C8orf34: variants seen among roughly 807,000 people sequenced by gnomAD.
C8orf34 encodes uncharacterized protein C8orf34.
A neutral mutation model predicts 68.3 loss-of-function variants in C8orf34; 65 were observed. That is an observed-to-expected ratio of 0.95 (90% CI 0.78 to 1.17). C8orf34 has a LOEUF of 1.17. C8orf34 is among the 50% of genes most tolerant of loss of function. The pLI is 0.00. For synonymous variants in C8orf34, 244 were observed against 241.2 expected (o/e 1.01, Z -0.11); for missense variants, 664 against 655.4 (o/e 1.01, Z -0.14).
intron 12 of C8orf34, among the ~76,000 whole-genome samples, chr8:68,813,816 T>A (rs1824728653): frequency 1.3e-5 from 2 of 152,220 alleles, no homozygotes; most frequent in Non-Finnish European, 1.5e-5. Context: ...TGTTTTCCTC[T>A]CTACCGCAAC....
At chr8:68,374,813 T>C in intron 1 of C8orf34, among the ~76,000 whole-genome samples, 1 of 152,202 alleles carries the variant, frequency 6.6e-6, no homozygotes, top group East Asian at 1.9e-4. Flanking sequence ...ATTATTCAAA[T>C]ACCAGTTTCT....
At chr8:68,742,559 A>T (rs943364364) in intron 10 of C8orf34, among the ~76,000 whole-genome samples, 68 of 152,262 alleles carry the variant, frequency 4.5e-4, no homozygotes, top group African/African-American at 1.6e-3. Context: ...ATTTCTAAAA[A>T]TGTACTTCTT....
chr8:68,777,690 A>G lies in C8orf34; in HGVS notation c.1455+1241A>G, dbSNP rs564918817. Among the ~76,000 whole-genome samples the G allele has an allele frequency of 5.3e-5, 8 of 152,334 alleles. No homozygotes were observed. The South Asian group carries it at 1.7e-3, about 32-fold the overall frequency. Reference sequence around the variant, plus strand: ...CTTAAAAGTGCCAAGATGCTCTGCCATAAAGTGTCTTTTCCAACGTTCTTT... The same window carrying G: ...CTTAAAAGTGCCAAGATGCTCTGCCGTAAAGTGTCTTTTCCAACGTTCTTT... On this transcript the variant is annotated intron_variant, in intron 11 of 13. Transcript: ENST00000518698.
At chr8:68,556,453 G>A (rs1281776772) in intron 7 of C8orf34, among the ~76,000 whole-genome samples, 1 of 151,912 alleles carries the variant, frequency 6.6e-6, no homozygotes, top group Non-Finnish European at 1.5e-5. Flanking sequence ...TCCCTGATTA[G>A]TATCTTGATA....
At chr8:68,418,853 CG>C (rs1391156468) in intron 1 of C8orf34, among the ~76,000 whole-genome samples, 2 of 151,760 alleles carry the variant, frequency 1.3e-5, no homozygotes, top group Non-Finnish European at 2.9e-5. Flanking sequence ...AAGACTTAAA[CG>C]TTAGACCTAA....
chr8:68,640,609 TCTTTTC>T, intron 8 of C8orf34, 98 bp downstream of exon 8: 1 of 1,224,960 alleles, frequency 8.2e-7, no homozygotes, highest in East Asian at 2.5e-5. Context: ...GTTAAGAACA[TCTTTTC>T]CTTCCAGCGA....
At chr8:68,766,722 T>A (rs1359279243) in intron 10 of C8orf34, among the ~76,000 whole-genome samples, 2 of 152,246 alleles carry the variant, frequency 1.3e-5, no homozygotes, top group African/African-American at 4.8e-5. Flanking sequence ...AAATTTCACT[T>A]GGACTTTACA....
chr8:68,405,926 C>T (rs1446204499), intron 1 of C8orf34, among the ~76,000 whole-genome samples: 1 of 152,100 alleles, frequency 6.6e-6, no homozygotes, highest in Non-Finnish European at 1.5e-5. Flanking sequence ...GAAAAAGTAT[C>T]ACAAAGCATA....
chr8:68,450,695 G>A lies in C8orf34; in HGVS notation c.607+4235G>A, dbSNP rs149293442. 1.1e-3 allele frequency among the ~76,000 whole-genome samples: 161 copies of A among 152,146 alleles called. 1 individual carries two copies. The highest frequency in any genetic ancestry group is 3.8e-3 in the African/African-American group (157 of 41,532). ...CTTCTTAGCAGTAGGTCTCAAGATC[G>A]GGCTTAAAATGATCAGTAAACCATG... On this transcript the variant is annotated intron_variant, in intron 3 of 13. Transcript: ENST00000518698.
intron 7 of C8orf34, among the ~76,000 whole-genome samples, chr8:68,636,178 T>C (rs1371014349): frequency 6.6e-6 from 1 of 152,156 alleles, no homozygotes; most frequent in African/African-American, 2.4e-5. Context: ...CAGTTGGTTC[T>C]GAGTTGGAAA....
intron 7 of C8orf34, among the ~76,000 whole-genome samples, chr8:68,616,154 T>C (rs1439924637): frequency 2.6e-5 from 4 of 151,644 alleles, no homozygotes; most frequent in Non-Finnish European, 5.9e-5. Flanking sequence ...TATTGTTTTT[T>C]ATTGCGTCTA....
chr8:68,564,607 C>T (rs1419322895), intron 7 of C8orf34, among the ~76,000 whole-genome samples: 4 of 152,134 alleles, frequency 2.6e-5, no homozygotes, highest in African/African-American at 7.2e-5. Flanking sequence ...AGCACAGATC[C>T]GGGGTGGCAG....
intron 10 of C8orf34, among the ~76,000 whole-genome samples, chr8:68,756,107 C>CTG (rs10643972): frequency 0.22 from 33,072 of 150,794 alleles, 5,330 homozygotes; most frequent in African/African-American, 0.45. Flanking sequence ...ACCAGAGTGA[C>CTG]TCCCAAATGT....
chr8:68,589,614 A>AAG (rs1218978028), intron 7 of C8orf34, among the ~76,000 whole-genome samples: 11 of 91,952 alleles, frequency 1.2e-4, no homozygotes, highest in Non-Finnish European at 2.1e-4. Context: ...AGAAAGAAGG[A>AAG]GAGAAGAAGA....
At chr8:68,740,006 A>G (rs895319708) in intron 10 of C8orf34, among the ~76,000 whole-genome samples, 4 of 152,146 alleles carry the variant, frequency 2.6e-5, no homozygotes, top group Non-Finnish European at 4.4e-5. Context: ...AATGGGGAAA[A>G]GACTTCCTAT....
intron 7 of C8orf34, among the ~76,000 whole-genome samples, chr8:68,618,576 TGGGCTC>T (rs1818297989): frequency 1.3e-5 from 1 of 79,468 alleles, no homozygotes; most frequent in African/African-American, 1.2e-4. Flanking sequence ...CTGAAACTCC[TGGGCTC>T]AAGTGAAACT....
chr8:68,401,358 G>A (rs1808946359), intron 1 of C8orf34, among the ~76,000 whole-genome samples: 1 of 152,056 alleles, frequency 6.6e-6, no homozygotes, highest in African/African-American at 2.4e-5. Context: ...CAATTTGGAT[G>A]CCTTTTATTC....
At chr8:68,668,342 G>A (rs968613528) in intron 8 of C8orf34, among the ~76,000 whole-genome samples, 12 of 152,184 alleles carry the variant, frequency 7.9e-5, no homozygotes, top group African/African-American at 2.9e-4. Context: ...ATAGAGTTAT[G>A]CATATTTGAA....
At chr8:68,479,605 A>G (rs770825165) in intron 4 of C8orf34, among the ~76,000 whole-genome samples, 2 of 152,196 alleles carry the variant, frequency 1.3e-5, no homozygotes, top group Non-Finnish European at 2.9e-5. Flanking sequence ...ACAAATGGAT[A>G]TAAGTGCACT....
Sources: gnomAD v4.1 joint callset for allele counts (sites outside exome capture counted in the v4.1 genomes callset) on GRCh38, gnomAD v4.1.1 for gene constraint, MANE v1.5 for transcripts, NCBI Gene and HGNC (gene_info 2026-07-23, HGNC 2026-07-21) for gene names.